ERRFI1: variants seen among roughly 807,000 people sequenced by gnomAD.
The protein encoded by ERRFI1 is mitogen-inducible gene 6 protein.
Under a neutral mutation model 14.6 loss-of-function variants are expected in ERRFI1, and 12 were observed. The observed-to-expected ratio is 0.82, with a 90% confidence interval of 0.53 to 1.33. The LOEUF is 1.33. Ranked by LOEUF, ERRFI1 falls within the 40% of genes most tolerant of loss-of-function variation. The pLI, the probability that ERRFI1 is intolerant of heterozygous loss-of-function variation, is 0.00. For missense variants in ERRFI1, 482 were observed against 572.1 expected (o/e 0.84, Z 1.61); for synonymous variants, 202 against 209.9 (o/e 0.96, Z 0.32).
chr1:8,020,195 T>C (rs910238400), intron 1 of ERRFI1, among the ~76,000 whole-genome samples: 2 of 152,116 alleles, frequency 1.3e-5, no homozygotes, highest in Non-Finnish European at 2.9e-5. Flanking sequence ...GAGGGGCACA[T>C]TTTTGTCATA....
chr1:8,013,403 T>C lies in ERRFI1; in HGVS notation c.1196A>G (p.Glu399Gly). ...VSSTHYYLLPERPPYLDKYEK... is the reference protein window; with the variant it reads ...VSSTHYYLLPGRPPYLDKYEK... ...ATATTTGTCCAGGTATGGTGGTCGT[T>C]CAGGTAGTAGGTAATAATGTGTTGA... Residue 399 changes from glutamate to glycine, a missense_variant, in exon 4 of 4, where the codon GAA becomes GGA. Coordinates refer to ENST00000377482, the MANE Select transcript of ERRFI1 (RefSeq NM_018948.4). The surrounding 1 kb of genome is among the most constrained non-coding windows in gnomAD (Gnocchi z 4.3). The C allele has an allele frequency of 6.2e-7, 1 of 1,614,218 alleles. No individual in the cohort carries two copies. The highest frequency in any genetic ancestry group is 8.5e-7 in the Non-Finnish European group (1 of 1,180,046).
intron 3 of ERRFI1, chr1:8,015,078 G>A (rs990169812): frequency 4.1e-6 from 2 of 491,884 alleles, no homozygotes; most frequent in Non-Finnish European, 7.3e-6. Context: ...AAGATCCCAC[G>A]TCCATGAACA....
At chr1:8,015,138 G>C in intron 3 of ERRFI1, 170 bp downstream of exon 3, 1 of 616,778 alleles carries the variant, frequency 1.6e-6, no homozygotes, top group Non-Finnish European at 2.9e-6. Flanking sequence ...GAGTACAATA[G>C]CTTGAGAAAA....
chr1:8,013,628 G>A lies in ERRFI1; in HGVS notation c.971C>T (p.Pro324Leu). Residue 324 changes from proline to leucine, a missense_variant, in exon 4 of 4, where the codon CCT becomes CTT. Physicochemically the swap from Pro to Leu is moderately conservative, Grantham distance 98 (BLOSUM62 -3). Transcript: ENST00000377482. The surrounding 1 kb of genome is among the most constrained non-coding windows in gnomAD (Gnocchi z 4.3). ...DRPPKVPPRE[P>L]LSPSNSRTPS... ...TGTGCGCGAGTTACTCGGTGACAAA[G>A]GTTCTCTTGGCGGTACTTTGGGAGG... is the stretch of plus-strand genomic sequence containing the variant. 1 of 1,614,158 alleles carries A rather than the reference G, an allele frequency of 6.2e-7. No individual in the cohort carries two copies. Among genetic ancestry groups the A allele is most frequent in the African/African-American group, 1.3e-5 (1 of 75,036 alleles).
Position 8,013,796 on chromosome 1 carries a change from C to T in ERRFI1, c.803G>A (p.Cys268Tyr), listed in dbSNP as rs1390786166. 1.9e-6 allele frequency: 3 copies of T among 1,613,978 alleles called. No individual in the cohort carries two copies. The highest frequency in any genetic ancestry group is 2.5e-6 in the Non-Finnish European group (3 of 1,180,022). ...NKPAIRISNC[C>Y]IHRASPNSDE... The stretch of plus-strand genomic sequence containing the variant: ...GGAGTTAGGAGAAGCTCTGTGTATA[C>T]AACAGTTGGATATCCTTATGGCTGG... Residue 268 changes from cysteine (C) to tyrosine (Y), a missense_variant, in exon 4 of 4, where the codon TGT becomes TAT. By Grantham distance (194) the Cys-to-Tyr change is radical. Coordinates refer to ENST00000377482, the MANE Select transcript of ERRFI1 (RefSeq NM_018948.4). This position sits in a 1 kb window ranked among gnomAD's most constrained non-coding sequence, Gnocchi z 4.3.
Position 8,013,647 on chromosome 1 carries a change from T to C in ERRFI1, c.952A>G (p.Lys318Glu), listed in dbSNP as rs1238812482. 1 of 1,614,128 alleles carries C rather than the reference T, an allele frequency of 6.2e-7. No individual in the cohort carries two copies. ...GACAAAGGTTCTCTTGGCGGTACTTTGGGAGGCCTGTCTTCATCACTATAG... is the reference window on the plus strand; with the variant it reads ...GACAAAGGTTCTCTTGGCGGTACTTCGGGAGGCCTGTCTTCATCACTATAG... ...STYSDEDRPPKVPPREPLSPS... is the reference protein window; with the variant it reads ...STYSDEDRPPEVPPREPLSPS... The change falls in exon 4 of 4, where the codon AAA (lysine) becomes GAA (glutamate). Residue 318 changes from lysine to glutamate, a missense_variant. Lys to Glu is a moderately conservative substitution (Grantham distance 56, BLOSUM62 1). Transcript: ENST00000377482. This position sits in a 1 kb window ranked among gnomAD's most constrained non-coding sequence, Gnocchi z 4.3.
intron 1 of ERRFI1, among the ~76,000 whole-genome samples, chr1:8,023,618 G>C (rs1641302597): frequency 6.6e-6 from 1 of 152,190 alleles, no homozygotes; most frequent in Non-Finnish European, 1.5e-5. Flanking sequence ...TTGAGACCTG[G>C]AAGAGTGGTC....
Position 8,012,809 on chromosome 1 carries a change from G to A in ERRFI1, c.*401C>T, listed in dbSNP as rs1641104871. 2 of 244,340 alleles carry A rather than the reference G, an allele frequency of 8.2e-6. No homozygotes were observed. The highest frequency in any genetic ancestry group is 5.9e-5 in the East Asian group (1 of 16,860). 15.1% of individuals were successfully genotyped at this position (244,340 alleles called of 1,614,324 possible). On this transcript the variant is annotated 3_prime_UTR_variant, in exon 4 of 4. Transcript: ENST00000377482. ...TCTTCTTCCATTTGCTCAATTTTCA[G>A]TCTATCAGGACTCATTTCTCCAGCT... is the stretch of plus-strand genomic sequence containing the variant.
chr1:8,020,025 A>G lies in ERRFI1; in HGVS notation c.-73-4333T>C, dbSNP rs553128994. On this transcript the variant is annotated intron_variant, in intron 1 of 3. Transcript: ENST00000377482. ...AAAGCACACTGCACCTTCTTCATTA[A>G]GGTGAAATCATATGCCTTTAGCTTG... Among the ~76,000 whole-genome samples, 118 of 152,094 alleles carry G rather than the reference A, an allele frequency of 7.8e-4. 1 individual carries two copies. In the Middle Eastern group the frequency reaches 0.014, roughly 18 times the overall value.
rs988076524 is a variant in ERRFI1, at chr1:8,012,731, A to C, written c.*479T>G. 1.3e-5 allele frequency: 3 copies of C among 230,942 alleles called. No individual in the cohort carries two copies. Among genetic ancestry groups the C allele is most frequent in the Admixed American group, 1.1e-4 (2 of 17,868 alleles). The allele number at this position is 230,942 out of a possible 1,614,324, so 14.3% of individuals were successfully genotyped here. Reference sequence around the variant, plus strand: ...AAAGGCCTAAAAGCCAGAAATCTTCAAACTTACTAAACAAAAATATTTTTT... The same window carrying C: ...AAAGGCCTAAAAGCCAGAAATCTTCCAACTTACTAAACAAAAATATTTTTT... On this transcript the variant is annotated 3_prime_UTR_variant, in exon 4 of 4. Transcript: ENST00000377482.
chr1:8,024,917 G>A (rs189359706), intron 1 of ERRFI1, among the ~76,000 whole-genome samples: 78 of 151,186 alleles, frequency 5.2e-4, no homozygotes, highest in African/African-American at 1.9e-3. Context: ...AGAAATATAA[G>A]AAAAGAAATG....
At chr1:8,016,902 T>G (rs972466455) in intron 1 of ERRFI1, among the ~76,000 whole-genome samples, 26 of 143,060 alleles carry the variant, frequency 1.8e-4, no homozygotes, top group Non-Finnish European at 3.6e-4. Flanking sequence ...GGTACACAGG[T>G]TTTTTTTTTT....
At chr1:8,022,002 T>C (rs1641279990) in intron 1 of ERRFI1, among the ~76,000 whole-genome samples, 1 of 152,240 alleles carries the variant, frequency 6.6e-6, no homozygotes, top group Admixed American at 6.5e-5. Flanking sequence ...ATGGATTTAC[T>C]GGTAATAGTT....
intron 1 of ERRFI1, among the ~76,000 whole-genome samples, chr1:8,020,719 A>T (rs1341901826): frequency 6.6e-6 from 1 of 152,064 alleles, no homozygotes; most frequent in East Asian, 1.9e-4. Context: ...TAATTTTTGT[A>T]TTTTTAGTAG....
rs936551328 is a variant in ERRFI1, at chr1:8,012,240, T to G, written c.*970A>C. On this transcript the variant is annotated 3_prime_UTR_variant, in exon 4 of 4. Transcript: ENST00000377482. ...CCAGCAACACAAGGCCAGCTTGTGTTGTATGTTTATTAATACAGTCTAAAA... is the reference window on the plus strand; with the variant it reads ...CCAGCAACACAAGGCCAGCTTGTGTGGTATGTTTATTAATACAGTCTAAAA... 4.3e-6 allele frequency: 1 copy of G among 231,652 alleles called. No homozygotes were observed. The highest frequency in any genetic ancestry group is 2.2e-5 in the African/African-American group (1 of 45,194). The allele number at this position is 231,652 out of a possible 1,614,324, so 14.3% of individuals were successfully genotyped here.
At position 8,014,399 on chromosome 1, in the gene ERRFI1, G is replaced by A. The variant is rs2124063285; in HGVS notation, c.203-3C>T. 2 of 1,561,038 alleles carry A rather than the reference G, an allele frequency of 1.3e-6. No individual in the cohort carries two copies. The highest frequency in any genetic ancestry group is 8.7e-7 in the Non-Finnish European group (1 of 1,154,548). ...CGGAGCAGATTTGGAAGCATGCCCT[G>A]GAATGAACGAGAGATATTAATAAAA... On this transcript the variant is annotated splice_region_variant and splice_polypyrimidine_tract_variant and intron_variant, in intron 3 of 3. Coordinates refer to ENST00000377482, the MANE Select transcript of ERRFI1 (RefSeq NM_018948.4).
rs1289050189 is a variant in ERRFI1 at position 8,015,510 on chromosome 1, C to T, written c.110G>A (p.Arg37His). 9.9e-6 allele frequency: 16 copies of T among 1,614,012 alleles called. No individual in the cohort carries two copies. The highest frequency in any genetic ancestry group is 2.2e-5 in the East Asian group (1 of 44,894). The change falls in exon 2 of 4, where the codon CGC (arginine) becomes CAC (histidine). Residue 37 changes from arginine to histidine, a missense_variant. By Grantham distance (29) the Arg-to-His change is conservative. Coordinates refer to ENST00000377482, the MANE Select transcript of ERRFI1 (RefSeq NM_018948.4). ...GNMRKTYWSS[R>H]SEFKNNFLNI... Reference sequence around the variant, plus strand: ...CTCTACTTACTTTTTAAACTCACTGCGACTGCTCCAGTAGGTCTTCCTCAT... The same window carrying T: ...CTCTACTTACTTTTTAAACTCACTGTGACTGCTCCAGTAGGTCTTCCTCAT...
chr1:8,013,858 T>C lies in ERRFI1; in HGVS notation c.741A>G (p.Arg247=), dbSNP rs754930534. 6.2e-7 allele frequency: 1 copy of C among 1,614,178 alleles called. No individual in the cohort carries two copies. The highest frequency in any genetic ancestry group is 1.7e-5 in the Admixed American group (1 of 60,014). The change falls in exon 4 of 4, where the codon AGA becomes AGG. Residue 247 remains arginine (R), a synonymous_variant. Coordinates refer to ENST00000377482, the MANE Select transcript of ERRFI1 (RefSeq NM_018948.4). This position sits in a 1 kb window ranked among gnomAD's most constrained non-coding sequence, Gnocchi z 4.3. ...PPPPQTHRRL[R]RSHSGPAGSF... ...AGCCAGCTGGTCCCGAATGAGACCTTCTTAATCTTCGGTGGGTCTGAGGTG... is the reference window on the plus strand; with the variant it reads ...AGCCAGCTGGTCCCGAATGAGACCTCCTTAATCTTCGGTGGGTCTGAGGTG...
chr1:8,017,704 G>A (rs139082947), intron 1 of ERRFI1, among the ~76,000 whole-genome samples: 2 of 152,286 alleles, frequency 1.3e-5, no homozygotes, highest in African/African-American at 4.8e-5. Context: ...GAAAGCACAC[G>A]TTTGAAGATC....
Sources: gnomAD v4.1 joint callset for allele counts (sites outside exome capture counted in the v4.1 genomes callset) on GRCh38, gnomAD v4.1.1 for gene constraint, Gnocchi (gnomAD v3.1) non-coding constraint, MANE v1.5 for transcripts, NCBI Gene and HGNC (gene_info 2026-07-23, HGNC 2026-07-21) for gene names.